KCNH8: variants seen among roughly 807,000 people sequenced by gnomAD.
The protein encoded by KCNH8 is potassium voltage-gated channel subfamily H member 8.
In KCNH8, 70 loss-of-function variants were observed where a neutral mutation model predicts 103.6. The ratio of observed to expected loss-of-function variants is 0.68; its 90% confidence interval spans 0.56 to 0.82. KCNH8 has a LOEUF of 0.82. KCNH8 is among the 40% of genes least tolerant of loss of function. The pLI, the probability that KCNH8 is intolerant of heterozygous loss-of-function variation, is 0.00. For synonymous variants in KCNH8, 498 were observed against 489.4 expected (o/e 1.02, Z -0.23); for missense variants, 1,217 against 1,329.9 (o/e 0.92, Z 1.32).
chr3:19,413,845 T>C (rs1487647953), intron 7 of KCNH8, among the ~76,000 whole-genome samples: 3 of 152,080 alleles, frequency 2.0e-5, no homozygotes, highest in African/African-American at 7.2e-5. Context: ...TTGCAGCCTT[T>C]CACATTTTCC....
intron 3 of KCNH8, among the ~76,000 whole-genome samples, chr3:19,284,550 TGTGAGGGA>T (rs2064803184): frequency 1.4e-5 from 2 of 145,476 alleles, no homozygotes; most frequent in African/African-American, 5.4e-5. Flanking sequence ...TGTGTGTGTG[TGTGAGGGA>T]GAGAGAGAGA....
At chr3:19,398,240 G>C (rs1211429643) in intron 7 of KCNH8, among the ~76,000 whole-genome samples, 1 of 151,918 alleles carries the variant, frequency 6.6e-6, no homozygotes, top group Non-Finnish European at 1.5e-5. Flanking sequence ...AATCTGGTGG[G>C]AAAAGTAGAC....
intron 3 of KCNH8, among the ~76,000 whole-genome samples, chr3:19,292,814 A>G (rs572896846): frequency 1.3e-5 from 2 of 152,316 alleles, no homozygotes; most frequent in Admixed American, 1.3e-4. Flanking sequence ...ACAAAAGCCA[A>G]GGGCCTCTTT....
intron 1 of KCNH8, among the ~76,000 whole-genome samples, chr3:19,177,811 C>T (rs544016069): frequency 6.6e-6 from 1 of 152,166 alleles, no homozygotes; most frequent in African/African-American, 2.4e-5. Context: ...TGTTTATAGA[C>T]AATTAAAATG....
intron 10 of KCNH8, 86 bp from the exon 11 acceptor site, chr3:19,456,682 G>A: frequency 2.3e-6 from 2 of 869,008 alleles, no homozygotes; most frequent in Non-Finnish European, 1.9e-6. Context: ...TAATCTCACT[G>A]AAAAATGAAG....
chr3:19,456,809 C>T lies in KCNH8; in HGVS notation c.1867C>T (p.Gln623Ter). 6.2e-7 allele frequency: 1 copy of T among 1,611,282 alleles called. No individual in the cohort carries two copies. ...LIGANLSIKD[Q>*]VIKTNADVKA... Reference sequence around the variant, plus strand: ...TGGAGCAAATCTATCAATTAAGGACCAAGTGATCAAGACCAATGCAGATGT... The same window carrying T: ...TGGAGCAAATCTATCAATTAAGGACTAAGTGATCAAGACCAATGCAGATGT... Residue 623 changes from glutamine to a stop codon, truncating the protein, a stop_gained, in exon 11 of 16, where the codon CAA becomes TAA. Transcript: ENST00000328405. LOFTEE classifies it high-confidence loss of function.
chr3:19,510,493 T>C, intron 12 of KCNH8, 92 bp downstream of exon 12: 2 of 845,394 alleles, frequency 2.4e-6, no homozygotes, highest in Admixed American at 3.9e-5. Context: ...ATTTCATGTA[T>C]TTATCTTTTA....
At chr3:19,188,640 A>G (rs1318966403) in intron 1 of KCNH8, among the ~76,000 whole-genome samples, 1 of 152,088 alleles carries the variant, frequency 6.6e-6, no homozygotes, top group Non-Finnish European at 1.5e-5. Context: ...CGAAGCCATT[A>G]TTTGCTTAGC....
Position 19,438,350 on chromosome 3 carries a change from T to C in KCNH8, c.1364T>C (p.Met455Thr), listed in dbSNP as rs2067231445. 6.2e-7 allele frequency: 1 copy of C among 1,613,364 alleles called. No individual in the cohort carries two copies. Among genetic ancestry groups the C allele is most frequent in the South Asian group, 1.1e-5 (1 of 91,042 alleles). Residue 455 changes from methionine to threonine, a missense_variant, in exon 8 of 16, where the codon ATG (methionine) becomes ACG (threonine). By Grantham distance (81) the Met-to-Thr change is moderately conservative. This residue lies in a region of KCNH8 where 415 missense variants were observed against 577.4 expected (regional missense o/e 0.72). Transcript: ENST00000328405. ...DAEKIFSICT[M>T]LIGALMHALV... ...GAAAAGATCTTCTCCATCTGCACCA[T>C]GCTGATTGGTGGTAAGAGAGCATCT...
At chr3:19,379,748 C>G (rs1467558481) in intron 5 of KCNH8, among the ~76,000 whole-genome samples, 1 of 152,160 alleles carries the variant, frequency 6.6e-6, no homozygotes, top group African/African-American at 2.4e-5. Flanking sequence ...TTGCATTACT[C>G]AATTTTTGGA....
intron 3 of KCNH8, among the ~76,000 whole-genome samples, chr3:19,294,254 C>T (rs2064966925): frequency 6.6e-6 from 1 of 151,970 alleles, no homozygotes; most frequent in Admixed American, 6.6e-5. Context: ...TAAAAAGTCA[C>T]CAAAAGGAGA....
At chr3:19,247,160 A>G (rs1374065229) in intron 1 of KCNH8, among the ~76,000 whole-genome samples, 1 of 152,240 alleles carries the variant, frequency 6.6e-6, no homozygotes, top group Non-Finnish European at 1.5e-5. Flanking sequence ...TACAAGGACT[A>G]TGAGAAATCT....
chr3:19,264,542 C>T (rs1249943359), intron 2 of KCNH8, among the ~76,000 whole-genome samples: 2 of 152,064 alleles, frequency 1.3e-5, no homozygotes, highest in African/African-American at 4.8e-5. Flanking sequence ...GTGAGACAAA[C>T]GTAGAGATCA....
chr3:19,472,749 C>G (rs569560695), intron 11 of KCNH8, among the ~76,000 whole-genome samples: 1 of 152,146 alleles, frequency 6.6e-6, no homozygotes. Flanking sequence ...TACATACCTA[C>G]GTTAATCAGA....
At chr3:19,435,388 C>T (rs1290645927) in intron 7 of KCNH8, among the ~76,000 whole-genome samples, 5 of 152,024 alleles carry the variant, frequency 3.3e-5, no homozygotes, top group Admixed American at 6.6e-5. Flanking sequence ...AATGAAATAA[C>T]GAACCAAAAT....
intron 5 of KCNH8, among the ~76,000 whole-genome samples, chr3:19,350,373 G>A (rs1489393739): frequency 6.6e-6 from 1 of 152,070 alleles, no homozygotes; most frequent in African/African-American, 2.4e-5. Context: ...GCTTTGAAGA[G>A]AGGAGCGGTT....
intron 13 of KCNH8, among the ~76,000 whole-genome samples, chr3:19,515,116 T>A (rs550076461): frequency 1.3e-5 from 2 of 151,748 alleles, no homozygotes; most frequent in Non-Finnish European, 2.9e-5. Flanking sequence ...CCAGTGTGTA[T>A]TTAATTCTTA....
chr3:19,342,554 C>G (rs369214870), intron 3 of KCNH8, 33 bp from the exon 4 acceptor site: 9 of 1,598,068 alleles, frequency 5.6e-6, no homozygotes, highest in African/African-American at 5.4e-5. Flanking sequence ...ATGATGCATG[C>G]ATGTGTGTCT....
intron 7 of KCNH8, among the ~76,000 whole-genome samples, chr3:19,412,751 T>C (rs1301362097): frequency 6.6e-6 from 1 of 151,858 alleles, no homozygotes; most frequent in Non-Finnish European, 1.5e-5. Context: ...AGAGAAGACA[T>C]ACACATGGCC....
Sources: gnomAD v4.1 joint callset for allele counts (sites outside exome capture counted in the v4.1 genomes callset) on GRCh38, gnomAD v4.1.1 for gene constraint, gnomAD v4.1.1 regional missense constraint, MANE v1.5 for transcripts, NCBI Gene and HGNC (gene_info 2026-07-23, HGNC 2026-07-21) for gene names.